The following YEATS2 variants were observed in gnomAD, a reference collection of about 807,000 sequenced individuals.
The protein encoded by YEATS2 is YEATS domain containing 2.
A neutral mutation model predicts 163.2 loss-of-function variants in YEATS2; 77 were observed. The observed-to-expected ratio is 0.47, with a 90% CI of 0.39 to 0.57. The LOEUF is 0.57. YEATS2 is among the 20% of genes least tolerant of loss of function. YEATS2 has a pLI of 0.00. For synonymous variants in YEATS2, 631 were observed against 645.1 expected (o/e 0.98, Z 0.33); for missense variants, 1,549 against 1,729.8 (o/e 0.90, Z 1.85).
At chr3:183,776,967 A>AT (rs1250389328) in intron 18 of YEATS2, among the ~76,000 whole-genome samples, 15 of 151,766 alleles carry the variant, frequency 9.9e-5, no homozygotes, top group Non-Finnish European at 1.2e-4. Flanking sequence ...AAAAAAAAAA[A>AT]GGAAAAGAAT....
At position 183,764,731 on chromosome 3, in the gene YEATS2, C is replaced by T. The variant is rs541048402; in HGVS notation, c.1947+2452C>T. ...CTGAGGCAGGAGAAACGCTTGACCC[C>T]GGCAGGCAGAGGTTGCAGTGAGACG... On this transcript the variant is annotated intron_variant, in intron 15 of 30. Coordinates refer to ENST00000305135, the MANE Select transcript of YEATS2 (RefSeq NM_018023.5). 9.9e-5 allele frequency among the ~76,000 whole-genome samples: 15 copies of T among 152,216 alleles called. No individual in the cohort carries two copies. The South Asian group carries it at 1.9e-3, about 19-fold the overall frequency.
intron 15 of YEATS2, among the ~76,000 whole-genome samples, chr3:183,764,589 C>T (rs1251008479): frequency 6.6e-6 from 1 of 152,040 alleles, no homozygotes; most frequent in Non-Finnish European, 1.5e-5. Context: ...GCGGGTGGAT[C>T]GCCTGAGGTC....
chr3:183,803,950 T>A, intron 26 of YEATS2, 37 bp from the exon 27 acceptor site: 1 of 1,606,360 alleles, frequency 6.2e-7, no homozygotes, highest in Non-Finnish European at 8.5e-7. Flanking sequence ...AGTGGAAGGA[T>A]TTGATTATGG....
chr3:183,736,745 AGGCT>A lies in YEATS2; in HGVS notation c.843_846del (p.Trp282ValfsTer19), dbSNP rs1222623126. The A allele has an allele frequency of 6.2e-7, 1 of 1,613,914 alleles. No individual in the cohort carries two copies. The highest frequency in any genetic ancestry group is 8.5e-7 in the Non-Finnish European group (1 of 1,179,902). The stretch of plus-strand genomic sequence containing the variant: ...AGCCTCCTTTTCACCTGACCAGAAG[AGGCT>A]GGGGTGAGTTTCCCGTCAGAGTTCA... On this transcript the variant is annotated frameshift_variant, in exon 8 of 31. Transcript: ENST00000305135. LOFTEE classifies it high-confidence loss of function.
At chr3:183,759,287 G>C (rs1721100648) in intron 13 of YEATS2, among the ~76,000 whole-genome samples, 1 of 152,034 alleles carries the variant, frequency 6.6e-6, no homozygotes, top group South Asian at 2.1e-4. Context: ...TAACTTACTT[G>C]GATCTACTCC....
chr3:183,701,423 G>A (rs187628451), intron 1 of YEATS2, among the ~76,000 whole-genome samples: 151 of 152,024 alleles, frequency 9.9e-4, no homozygotes, highest in African/African-American at 3.5e-3. Context: ...GTCTGTCTCT[G>A]TCGCCCAGGC....
chr3:183,810,911 G>A lies in YEATS2; in HGVS notation c.*328G>A. 4.0e-6 allele frequency: 1 copy of A among 247,638 alleles called. No individual in the cohort carries two copies. Among genetic ancestry groups the A allele is most frequent in the African/African-American group, 2.2e-5 (1 of 44,452 alleles). 15.3% of individuals were successfully genotyped at this position (247,638 alleles called of 1,614,324 possible). ...CCCTTCTCCCTGGGTGTGCTTAAGG[G>A]GGCTCCTTGGGCCCGCCTCCCCAGG... On this transcript the variant is annotated 3_prime_UTR_variant, in exon 31 of 31. Coordinates refer to ENST00000305135, the MANE Select transcript of YEATS2 (RefSeq NM_018023.5).
intron 15 of YEATS2, among the ~76,000 whole-genome samples, chr3:183,768,113 C>A (rs578134769): frequency 6.6e-6 from 1 of 152,332 alleles, no homozygotes; most frequent in East Asian, 1.9e-4. Context: ...ACAGAGAAAT[C>A]TGAACACCAG....
At chr3:183,713,901 G>C (rs994029552) in intron 1 of YEATS2, among the ~76,000 whole-genome samples, 1 of 152,106 alleles carries the variant, frequency 6.6e-6, no homozygotes, top group Admixed American at 6.5e-5. Flanking sequence ...TGCCTCCCGG[G>C]TTCAAGCAAT....
chr3:183,756,802 A>G, intron 12 of YEATS2, 113 bp downstream of exon 12: 1 of 956,462 alleles, frequency 1.0e-6, no homozygotes, highest in South Asian at 4.6e-5. Context: ...CCCGTAAACG[A>G]GAAGCGAGAA....
At chr3:183,765,317 G>A (rs945260298) in intron 15 of YEATS2, among the ~76,000 whole-genome samples, 3 of 152,148 alleles carry the variant, frequency 2.0e-5, no homozygotes, top group African/African-American at 7.2e-5. Flanking sequence ...TCTTGGATAA[G>A]TTCGTTTCCA....
intron 8 of YEATS2, among the ~76,000 whole-genome samples, chr3:183,738,554 C>A (rs1287719923): frequency 1.0e-5 from 1 of 97,312 alleles, no homozygotes; most frequent in African/African-American, 4.5e-5. Context: ...CCTCCCCCCT[C>A]CCCCCACCCC....
chr3:183,743,735 C>T (rs1719217956), intron 8 of YEATS2, among the ~76,000 whole-genome samples: 1 of 152,126 alleles, frequency 6.6e-6, no homozygotes, highest in Non-Finnish European at 1.5e-5. Flanking sequence ...ATTTTCTCTA[C>T]ATGTGACATA....
Position 183,733,760 on chromosome 3 carries a change from C to T in YEATS2, c.813-2958C>T, listed in dbSNP as rs796865517. 2.0e-5 allele frequency among the ~76,000 whole-genome samples: 3 copies of T among 152,268 alleles called. 1 individual carries two copies. The highest frequency in any genetic ancestry group is 7.2e-5 in the African/African-American group (3 of 41,564). ...GACAAAGAGGTGGGTGGATGCTGCTCTTGTTGAAGCACTTTCTTCCACGTT... is the reference window on the plus strand; with the variant it reads ...GACAAAGAGGTGGGTGGATGCTGCTTTTGTTGAAGCACTTTCTTCCACGTT... On this transcript the variant is annotated intron_variant, in intron 7 of 30. Transcript: ENST00000305135.
chr3:183,777,248 AGAT>A (rs1723090520), intron 18 of YEATS2, among the ~76,000 whole-genome samples: 1 of 152,228 alleles, frequency 6.6e-6, no homozygotes, highest in Admixed American at 6.5e-5. Flanking sequence ...TTATTGAGAA[AGAT>A]GATATCAGTC....
Position 183,797,941 on chromosome 3 carries a change from CCAGT to C in YEATS2, c.3122_3125del (p.Gln1041ProfsTer8). 1 of 1,614,112 alleles carries C rather than the reference CCAGT, an allele frequency of 6.2e-7. No individual in the cohort carries two copies. The highest frequency in any genetic ancestry group is 8.5e-7 in the Non-Finnish European group (1 of 1,179,992). On this transcript the variant is annotated frameshift_variant, in exon 22 of 31. Transcript: ENST00000305135. LOFTEE classifies it high-confidence loss of function. ...GTTCTAGGACTGTTAAAGATTCACT[CCAGT>C]CAGTCCAGTCCGCAGCAGGCCGTCC...
chr3:183,752,213 G>GCAGT lies in YEATS2; in HGVS notation c.1113_1116dup (p.His373ValfsTer3). ...CAGTGAAAGCTTCTTCACCAATAAA[G>GCAGT]CAGTCACATGAGCCAGTACCCGATA... On this transcript the variant is annotated frameshift_variant, in exon 10 of 31. Coordinates refer to ENST00000305135, the MANE Select transcript of YEATS2 (RefSeq NM_018023.5). LOFTEE classifies it high-confidence loss of function. 6.2e-7 allele frequency: 1 copy of GCAGT among 1,614,096 alleles called. No individual in the cohort carries two copies. Among genetic ancestry groups the GCAGT allele is most frequent in the Non-Finnish European group, 8.5e-7 (1 of 1,180,024 alleles).
chr3:183,765,446 C>G (rs796343297), intron 15 of YEATS2, among the ~76,000 whole-genome samples: 3 of 152,300 alleles, frequency 2.0e-5, no homozygotes, highest in African/African-American at 7.2e-5. Context: ...ATAGGTGGGT[C>G]TGTGCCACAA....
chr3:183,806,872 C>A lies in YEATS2; in HGVS notation c.3791C>A (p.Pro1264Gln), dbSNP rs763308882. 1 of 1,613,806 alleles carries A rather than the reference C, an allele frequency of 6.2e-7. No individual in the cohort carries two copies. Among genetic ancestry groups the A allele is most frequent in the African/African-American group, 1.3e-5 (1 of 74,888 alleles). Residue 1264 changes from proline to glutamine, a missense_variant, in exon 28 of 31, where the codon CCA becomes CAA. Transcript: ENST00000305135. ...CTGCTTGCCTGTCATTTAGAGTGCCCATCATCATTCTCCTCTGCTGACAAC... is the reference window on the plus strand; with the variant it reads ...CTGCTTGCCTGTCATTTAGAGTGCCAATCATCATTCTCCTCTGCTGACAAC... ...LTQIDSEPEC[P>Q]SSFSSADNLC... is the part of the protein sequence containing the mutation.
Sources: gnomAD v4.1 joint callset for allele counts (sites outside exome capture counted in the v4.1 genomes callset) on GRCh38, gnomAD v4.1.1 for gene constraint, MANE v1.5 for transcripts, NCBI Gene and HGNC (gene_info 2026-07-23, HGNC 2026-07-21) for gene names.